Variants in RARB observed in about 807,000 individuals in gnomAD.
RARB encodes the protein retinoic acid receptor beta, also known as HBV-activated protein.
Under a neutral mutation model 51.9 loss-of-function variants are expected in RARB, and 17 were observed. The ratio of observed to expected loss-of-function variants is 0.33; its 90% CI spans 0.22 to 0.49. The LOEUF (loss-of-function observed/expected upper bound fraction) is 0.49, where lower values mean the gene tolerates loss of function less well. RARB is among the 20% of genes least tolerant of loss of function. RARB has a pLI of 0.99. For synonymous variants in RARB, 215 were observed against 195.4 expected (o/e 1.10, Z -0.84); for missense variants, 369 against 550.8 (o/e 0.67, Z 3.30).
At position 25,569,225 on chromosome 3, in the gene RARB, C is replaced by T. The variant is rs890564167; in HGVS notation, c.449-533C>T. On this transcript the variant is annotated intron_variant, in intron 3 of 7. Transcript: ENST00000330688. ...AGAAAGTTTAGAAAGCAGAAAAACA[C>T]GAAGGGACAAAAACCATCATCCTTA... Among the ~76,000 whole-genome samples, 13 of 152,288 alleles carry T rather than the reference C, an allele frequency of 8.5e-5. No homozygotes were observed. The East Asian group carries it at 9.6e-4, about 11-fold the overall frequency.
intron 3 of RARB, among the ~76,000 whole-genome samples, chr3:25,513,524 T>G (rs913144640): frequency 3.3e-5 from 5 of 152,104 alleles, no homozygotes; most frequent in Admixed American, 1.3e-4. Flanking sequence ...CTGCCTCCTC[T>G]CCCACTTTGC....
intron 4 of RARB, among the ~76,000 whole-genome samples, chr3:25,170,607 A>T (rs1700627966): frequency 6.6e-6 from 1 of 152,234 alleles, no homozygotes; most frequent in Non-Finnish European, 1.5e-5. Context: ...TGAATTGTCG[A>T]GAAGTATAAG....
chr3:25,329,592 A>C (rs949625929), intron 5 of RARB, among the ~76,000 whole-genome samples: 6 of 152,234 alleles, frequency 3.9e-5, no homozygotes, highest in Admixed American at 3.9e-4. Context: ...TCTAAAAATC[A>C]GACTGCCTCT....
chr3:25,407,530 A>G (rs766170560), intron 5 of RARB, among the ~76,000 whole-genome samples: 3 of 152,152 alleles, frequency 2.0e-5, no homozygotes, highest in African/African-American at 2.4e-5. Context: ...TGTCCCTTTG[A>G]GCACACTATC....
chr3:25,543,172 C>G (rs886902922), intron 3 of RARB, among the ~76,000 whole-genome samples: 2 of 152,140 alleles, frequency 1.3e-5, no homozygotes, highest in Non-Finnish European at 2.9e-5. Flanking sequence ...TGCCAAGACA[C>G]TCATGTGTAC....
At chr3:25,554,115 G>T (rs1405586129) in intron 3 of RARB, among the ~76,000 whole-genome samples, 3 of 150,992 alleles carry the variant, frequency 2.0e-5, no homozygotes, top group African/African-American at 7.3e-5. Context: ...GCAGGCCATG[G>T]TTAGGGTGGG....
chr3:25,082,966 T>A (rs1485667664), intron 3 of RARB, among the ~76,000 whole-genome samples: 1 of 152,124 alleles, frequency 6.6e-6, no homozygotes, highest in Non-Finnish European at 1.5e-5. Flanking sequence ...CTGGTTTTTT[T>A]AATTTCAGTA....
intron 2 of RARB, among the ~76,000 whole-genome samples, chr3:24,950,790 A>G (rs1453277386): frequency 1.3e-5 from 2 of 152,162 alleles, no homozygotes; most frequent in Admixed American, 6.5e-5. Context: ...TGAACACACC[A>G]ACTAATAAAA....
chr3:25,104,611 T>A (rs996254570), intron 3 of RARB, among the ~76,000 whole-genome samples: 2 of 152,106 alleles, frequency 1.3e-5, no homozygotes, highest in African/African-American at 4.8e-5. Context: ...GCCACTGCAC[T>A]CCAGCTTGGG....
intron 3 of RARB, among the ~76,000 whole-genome samples, chr3:25,124,975 A>G (rs1330251090): frequency 6.6e-6 from 1 of 152,210 alleles, no homozygotes; most frequent in Non-Finnish European, 1.5e-5. Flanking sequence ...GTTACTAATG[A>G]CTTATATAAA....
At chr3:24,895,969 T>C (rs1178451980) in intron 2 of RARB, among the ~76,000 whole-genome samples, 2 of 152,178 alleles carry the variant, frequency 1.3e-5, no homozygotes, top group African/African-American at 4.8e-5. Context: ...ATCATATCTA[T>C]AAAAAGATGA....
chr3:25,136,200 A>G (rs1425960596), intron 4 of RARB, among the ~76,000 whole-genome samples: 3 of 152,000 alleles, frequency 2.0e-5, no homozygotes, highest in African/African-American at 7.2e-5. Context: ...GGCATATGTC[A>G]TGATGGGAAG....
At chr3:25,496,966 C>A (rs951996146) in intron 2 of RARB, among the ~76,000 whole-genome samples, 1 of 152,200 alleles carries the variant, frequency 6.6e-6, no homozygotes, top group African/African-American at 2.4e-5. Context: ...CTCACTGCAA[C>A]CTCTGCCTCC....
chr3:25,288,636 G>A (rs1292434446), intron 5 of RARB, among the ~76,000 whole-genome samples: 1 of 152,110 alleles, frequency 6.6e-6, no homozygotes, highest in Non-Finnish European at 1.5e-5. Flanking sequence ...TTCACCACTG[G>A]AGATGCTTCC....
chr3:24,868,478 C>CAA (rs974485930), intron 2 of RARB, among the ~76,000 whole-genome samples: 5 of 151,006 alleles, frequency 3.3e-5, no homozygotes, highest in African/African-American at 1.2e-4. Context: ...AAACAAACAA[C>CAA]AAAAAAAAAT....
chr3:24,832,612 G>GA (rs1420528899), intron 1 of RARB, among the ~76,000 whole-genome samples: 1 of 70,168 alleles, frequency 1.4e-5, no homozygotes, highest in Non-Finnish European at 2.6e-5. Flanking sequence ...CCTGTATTTA[G>GA]AAAAAATTGA....
rs375505045 is a variant in RARB at position 25,286,961 on chromosome 3, A to G, written c.178+112386A>G. On this transcript the variant is annotated intron_variant, in intron 5 of 11. Transcript: ENST00000383772. ...AGAAATGAAAAACTCCCGATCACTCATGATGCGCTCTGTCTTTGTTAAGGG... is the reference window on the plus strand; with the variant it reads ...AGAAATGAAAAACTCCCGATCACTCGTGATGCGCTCTGTCTTTGTTAAGGG... Among the ~76,000 whole-genome samples the G allele has an allele frequency of 2.8e-4, 43 of 152,318 alleles. 1 individual carries two copies. The South Asian group carries it at 8.5e-3, about 30-fold the overall frequency.
chr3:24,923,865 CAG>C (rs1449992803), intron 2 of RARB, among the ~76,000 whole-genome samples: 1 of 152,146 alleles, frequency 6.6e-6, no homozygotes, highest in Non-Finnish European at 1.5e-5. Context: ...AAAGTACTAA[CAG>C]TGAATTTGGA....
At chr3:25,456,674 TATATATATAGAG>T (rs1308541181) in intron 1 of RARB, among the ~76,000 whole-genome samples, 108 of 113,180 alleles carry the variant, frequency 9.5e-4, no homozygotes, top group African/African-American at 3.0e-3. Context: ...TATATATATA[TATATATATAGAG>T]AGAGAGAGAG....
Sources: gnomAD v4.1 joint callset for allele counts (sites outside exome capture counted in the v4.1 genomes callset) on GRCh38, gnomAD v4.1.1 for gene constraint, MANE v1.5 for transcripts, NCBI Gene and HGNC (gene_info 2026-07-23, HGNC 2026-07-21) for gene names.